The following N4BP1 variants were observed in gnomAD, a reference collection of about 807,000 sequenced individuals.
The protein encoded by N4BP1 is NEDD4-binding protein 1.
A neutral mutation model predicts 70.9 loss-of-function variants in N4BP1; 21 were observed. The ratio of observed to expected loss-of-function variants is 0.30; its 90% CI spans 0.21 to 0.43. The LOEUF (loss-of-function observed/expected upper bound fraction) is 0.43, where lower values mean the gene tolerates loss of function less well. Among genes scored for constraint, N4BP1 ranks in the 20% least tolerant of loss-of-function variants. The pLI is 1.00. For synonymous variants in N4BP1, 387 were observed against 394.6 expected, an observed-to-expected ratio of 0.98 and a Z score of 0.23; for missense variants, 936 against 1,069.4, an observed-to-expected ratio of 0.88 and a Z score of 1.74.
intron 1 of N4BP1, among the ~76,000 whole-genome samples, chr16:48,605,082 G>A (rs541036623): frequency 6.6e-6 from 1 of 152,018 alleles, no homozygotes; most frequent in African/African-American, 2.4e-5. Flanking sequence ...GCCCAGGCTG[G>A]AGTGCAATAG....
chr16:48,576,428 T>G (rs192085297), intron 1 of N4BP1, among the ~76,000 whole-genome samples: 25 of 152,270 alleles, frequency 1.6e-4, no homozygotes, highest in Non-Finnish European at 3.4e-4. Flanking sequence ...TCATACTGAG[T>G]GTACTCCTAG....
chr16:48,601,211 G>A (rs1289060483), intron 1 of N4BP1, among the ~76,000 whole-genome samples: 2 of 152,232 alleles, frequency 1.3e-5, no homozygotes, highest in Non-Finnish European at 2.9e-5. Flanking sequence ...AGTCGTGGAT[G>A]TTGGGAATTA....
At chr16:48,555,525 G>C (rs960767921) in intron 2 of N4BP1, among the ~76,000 whole-genome samples, 1 of 152,150 alleles carries the variant, frequency 6.6e-6, no homozygotes, top group Non-Finnish European at 1.5e-5. Flanking sequence ...TATTTCAGAG[G>C]CTCTTACCCC....
intron 2 of N4BP1, chr16:48,560,440 C>A: frequency 4.5e-6 from 1 of 221,654 alleles, no homozygotes; most frequent in East Asian, 1.1e-4. Context: ...ATGGTACTCA[C>A]AATATTAAGA....
At chr16:48,593,718 A>C (rs1020484398) in intron 1 of N4BP1, among the ~76,000 whole-genome samples, 2 of 152,186 alleles carry the variant, frequency 1.3e-5, no homozygotes, top group African/African-American at 2.4e-5. Flanking sequence ...ATGCTATTAA[A>C]CTAAATTTAG....
chr16:48,590,251 C>A (rs1330099555), intron 1 of N4BP1, among the ~76,000 whole-genome samples: 1 of 152,154 alleles, frequency 6.6e-6, no homozygotes, highest in African/African-American at 2.4e-5. Context: ...ACTTTGACCC[C>A]CATGATTCCA....
intron 1 of N4BP1, among the ~76,000 whole-genome samples, chr16:48,573,612 C>A (rs1021716557): frequency 6.6e-6 from 1 of 151,376 alleles, no homozygotes; most frequent in Non-Finnish European, 1.5e-5. Context: ...AACAAACAAA[C>A]AAAAAAAACC....
chr16:48,595,476 A>AAAAG (rs1163919916), intron 1 of N4BP1, among the ~76,000 whole-genome samples: 9 of 150,990 alleles, frequency 6.0e-5, no homozygotes, highest in South Asian at 2.1e-4. Context: ...AAAAAAAAAA[A>AAAAG]AAAGAAAGAA....
intron 1 of N4BP1, among the ~76,000 whole-genome samples, chr16:48,603,365 G>A (rs905101803): frequency 2.6e-5 from 4 of 151,814 alleles, no homozygotes; most frequent in South Asian, 4.2e-4. Flanking sequence ...TAGGCCTCTC[G>A]GTGGCTACTC....
At position 48,543,152 on chromosome 16, in the gene N4BP1, T is replaced by C. The variant is rs1314507052; in HGVS notation, c.2443A>G (p.Ile815Val). Residue 815 changes from isoleucine (I) to valine (V), a missense_variant, in exon 7 of 7, where the codon ATT (isoleucine) becomes GTT (valine). Coordinates refer to ENST00000262384, the MANE Select transcript of N4BP1 (RefSeq NM_153029.4). ...ASTSHQPPTRIQGAPSSHWLP... is the reference protein window; with the variant it reads ...ASTSHQPPTRVQGAPSSHWLP... Reference sequence around the variant, plus strand: ...CAGTGGCTTGAAGGGGCTCCCTGAATCCGGGTCGGAGGCTGGTGGCTGGTG... The same window carrying C: ...CAGTGGCTTGAAGGGGCTCCCTGAACCCGGGTCGGAGGCTGGTGGCTGGTG... 6.2e-7 allele frequency: 1 copy of C among 1,604,858 alleles called. No individual in the cohort carries two copies. The highest frequency in any genetic ancestry group is 1.7e-4 in the Middle Eastern group (1 of 6,010).
intron 1 of N4BP1, among the ~76,000 whole-genome samples, chr16:48,600,842 T>C (rs1184422689): frequency 1.3e-5 from 2 of 152,240 alleles, no homozygotes; most frequent in South Asian, 2.1e-4. Context: ...TCTTCACTGA[T>C]AGATATGTAA....
At chr16:48,555,145 A>G (rs1400741335) in intron 2 of N4BP1, among the ~76,000 whole-genome samples, 2 of 152,168 alleles carry the variant, frequency 1.3e-5, no homozygotes, top group South Asian at 4.1e-4. Context: ...GTCTTCTTCT[A>G]TGAAGTTATT....
rs377240954 is a variant in N4BP1 at position 48,548,221 on chromosome 16, A to T, written c.2118-107T>A. 444 of 718,572 alleles carry T rather than the reference A, an allele frequency of 6.2e-4. 4 individuals carry two copies. The South Asian group carries it at 7.4e-3, about 12-fold the overall frequency. 44.5% of individuals were successfully genotyped at this position (718,572 alleles called of 1,614,324 possible). Reference sequence around the variant, plus strand: ...CTCTTCATAGGAAAACCATCAAAGAATTTAACCAAGGCTAGGCCACAGAAA... The same window carrying T: ...CTCTTCATAGGAAAACCATCAAAGATTTTAACCAAGGCTAGGCCACAGAAA... On this transcript the variant is annotated intron_variant, in intron 4 of 6. Transcript: ENST00000262384.
intron 2 of N4BP1, among the ~76,000 whole-genome samples, chr16:48,558,060 C>G (rs1035994036): frequency 6.6e-6 from 1 of 152,152 alleles, no homozygotes; most frequent in Non-Finnish European, 1.5e-5. Flanking sequence ...CCACCACTTA[C>G]ATCTAGTTCC....
rs933160428 is a variant in N4BP1 at position 48,545,956 on chromosome 16, G to C, written c.2333+191C>G. On this transcript the variant is annotated intron_variant, in intron 6 of 6. Transcript: ENST00000262384. ...GTGGGAGGATCGCTGAAGCCCAGTG[G>C]GGCAAAGGTTGCAGTGAGCCGAAAT... 14 of 439,864 alleles carry C rather than the reference G, an allele frequency of 3.2e-5. No individual in the cohort carries two copies. The South Asian group carries it at 3.9e-4, about 12-fold the overall frequency. The allele number at this position is 439,864 out of a possible 1,614,324, so 27.2% of individuals were successfully genotyped here. A position where few individuals can be genotyped will look rare whatever the true frequency, so the allele number is the denominator to read the frequency against.
Position 48,543,251 on chromosome 16 carries a change from G to A in N4BP1, c.2344C>T (p.Pro782Ser), listed in dbSNP as rs762282239. 4.6e-6 allele frequency: 7 copies of A among 1,519,154 alleles called. No individual in the cohort carries two copies. The East Asian group carries it at 1.6e-4, about 35-fold the overall frequency. The allele number at this position is 1,519,154 out of a possible 1,614,324, so 94.1% of individuals were successfully genotyped here. Residue 782 changes from proline (P) to serine (S), a missense_variant, in exon 7 of 7, where the codon CCC becomes TCC. Pro to Ser is a moderately conservative substitution (Grantham distance 74). Coordinates refer to ENST00000262384, the MANE Select transcript of N4BP1 (RefSeq NM_153029.4). ...ACATTTGGCAGGGCACTGAGTAGGG[G>A]CTGCATATCTCTGTGAATGGAAGTG... ...QKEVCLRDMQ[P>S]LLSALPNVGM...
At chr16:48,584,494 C>A (rs965058601) in intron 1 of N4BP1, among the ~76,000 whole-genome samples, 4 of 152,188 alleles carry the variant, frequency 2.6e-5, no homozygotes, top group African/African-American at 9.7e-5. Context: ...AATCTCTACT[C>A]TAGTTGGTTG....
chr16:48,544,422 A>C (rs530708771), intron 6 of N4BP1, among the ~76,000 whole-genome samples: 1 of 152,190 alleles, frequency 6.6e-6, no homozygotes, highest in Non-Finnish European at 1.5e-5. Context: ...ATGCTGAGAG[A>C]GCTGTGTGTC....
chr16:48,571,310 G>T (rs149621961), intron 1 of N4BP1, among the ~76,000 whole-genome samples: 1 of 152,190 alleles, frequency 6.6e-6, no homozygotes, highest in Admixed American at 6.5e-5. Context: ...TTCTCCAGAT[G>T]AAAGACCCTC....
Sources: allele counts gnomAD v4.1 joint callset (sites outside exome capture counted in the v4.1 genomes callset), GRCh38; gene constraint gnomAD v4.1.1; transcripts MANE v1.5; gene names NCBI Gene and HGNC (gene_info 2026-07-23, HGNC 2026-07-21).